Variants in KHDRBS2 observed in about 807,000 individuals in gnomAD.
KHDRBS2 encodes the protein KH RNA binding domain containing, signal transduction associated 2.
In KHDRBS2, 26 loss-of-function variants were observed where a neutral mutation model predicts 44.3. The observed-to-expected ratio is 0.59, with a 90% CI of 0.43 to 0.81. The LOEUF is 0.81. KHDRBS2 is among the 40% of genes least tolerant of loss of function. KHDRBS2 has a pLI of 0.00. For synonymous variants in KHDRBS2, 194 were observed against 151.1 expected, an observed-to-expected ratio of 1.28 and a Z score of -2.08; for missense variants, 476 against 433.1, an observed-to-expected ratio of 1.10 and a Z score of -0.88.
chr6:61,818,021 G>A (rs1373689373), intron 6 of KHDRBS2, among the ~76,000 whole-genome samples: 14 of 151,780 alleles, frequency 9.2e-5, no homozygotes, highest in Middle Eastern at 3.2e-3. Context: ...CACATCTCCC[G>A]TCTTAAAACC....
At chr6:61,621,878 G>A in the KHDRBS2 span, among the ~76,000 whole-genome samples, 6 of 152,202 alleles carry the variant, frequency 3.9e-5, no homozygotes, top group African/African-American at 1.4e-4. Flanking sequence ...ACTGACCACA[G>A]AGGGGATCCC....
chr6:62,268,329 T>G (rs561039553), intron 1 of KHDRBS2, among the ~76,000 whole-genome samples: 1 of 152,172 alleles, frequency 6.6e-6, no homozygotes, highest in South Asian at 2.1e-4. Flanking sequence ...ACATGATGAG[T>G]ACATACATGC....
At chr6:61,700,549 G>T (rs552520591) in intron 7 of KHDRBS2, among the ~76,000 whole-genome samples, 1 of 151,518 alleles carries the variant, frequency 6.6e-6, no homozygotes, top group African/African-American at 2.4e-5. Flanking sequence ...ATAGATAAAT[G>T]TTTACTTGGA....
At chr6:61,973,367 A>T (rs777020279) in intron 4 of KHDRBS2, among the ~76,000 whole-genome samples, 48 of 152,118 alleles carry the variant, frequency 3.2e-4, no homozygotes, top group Non-Finnish European at 5.9e-4. Context: ...GACATTTTCC[A>T]ATTTCAGAAC....
chr6:62,097,382 A>G (rs1584677297), intron 2 of KHDRBS2, among the ~76,000 whole-genome samples: 1 of 152,198 alleles, frequency 6.6e-6, no homozygotes, highest in East Asian at 1.9e-4. Context: ...TAAGTCTAAT[A>G]ATATTTGTTA....
chr6:61,678,398 A>G (rs1766063943), downstream of KHDRBS2, among the ~76,000 whole-genome samples: 1 of 151,984 alleles, frequency 6.6e-6, no homozygotes, highest in Non-Finnish European at 1.5e-5. Context: ...CAAAAAGCTT[A>G]CTGATCAGTC....
intron 3 of KHDRBS2, among the ~76,000 whole-genome samples, chr6:62,018,989 A>G (rs1484332055): frequency 1.3e-5 from 2 of 152,106 alleles, no homozygotes; most frequent in African/African-American, 2.4e-5. Flanking sequence ...TATCTCTGAC[A>G]CTAGTGAACT....
chr6:61,575,000 T>C, the KHDRBS2 span, among the ~76,000 whole-genome samples: 1 of 152,144 alleles, frequency 6.6e-6, no homozygotes, highest in African/African-American at 2.4e-5. Context: ...GATCTGAAAC[T>C]ATAAAAATTC....
chr6:61,590,915 A>T, the KHDRBS2 span, among the ~76,000 whole-genome samples: 1 of 152,202 alleles, frequency 6.6e-6, no homozygotes, highest in South Asian at 2.1e-4. Context: ...GGCTTAGAGG[A>T]ACATGAGACA....
At chr6:62,280,698 A>C (rs1841672433) in intron 1 of KHDRBS2, among the ~76,000 whole-genome samples, 1 of 152,248 alleles carries the variant, frequency 6.6e-6, no homozygotes, top group Non-Finnish European at 1.5e-5. Context: ...TATTTGTGGC[A>C]AGTGAAAGAA....
the KHDRBS2 span, among the ~76,000 whole-genome samples, chr6:61,624,455 A>G: frequency 6.6e-6 from 1 of 152,188 alleles, no homozygotes; most frequent in African/African-American, 2.4e-5. Flanking sequence ...GGATAGAAAT[A>G]CTTTTATTAC....
intron 4 of KHDRBS2, among the ~76,000 whole-genome samples, chr6:61,968,577 T>G (rs1319617627): frequency 6.6e-6 from 1 of 152,080 alleles, no homozygotes; most frequent in Non-Finnish European, 1.5e-5. Context: ...AAGTGCTTGC[T>G]GAATGGTAAT....
intron 6 of KHDRBS2, among the ~76,000 whole-genome samples, chr6:61,828,092 C>T (rs1040211714): frequency 6.6e-6 from 1 of 152,186 alleles, no homozygotes; most frequent in Non-Finnish European, 1.5e-5. Context: ...AAAGAAGGAT[C>T]TGGGAGACAT....
the KHDRBS2 span, among the ~76,000 whole-genome samples, chr6:61,663,499 C>CAATATATATATA: frequency 1.8e-4 from 1 of 5,632 alleles, no homozygotes; most frequent in African/African-American, 7.0e-4. Flanking sequence ...GCATGAGACA[C>CAATATATATATA]CATATATATA....
At chr6:61,620,430 C>T in the KHDRBS2 span, among the ~76,000 whole-genome samples, 1 of 152,250 alleles carries the variant, frequency 6.6e-6, no homozygotes, top group African/African-American at 2.4e-5. Flanking sequence ...TTAGTAATTA[C>T]AGTGTTTTAT....
rs145062890 is a variant in KHDRBS2 at position 61,925,381 on chromosome 6, A to G, written c.484-24010T>C. 1.7e-3 allele frequency among the ~76,000 whole-genome samples: 261 copies of G among 152,334 alleles called. 1 individual carries two copies. Among genetic ancestry groups the G allele is most frequent in the African/African-American group, 5.9e-3 (245 of 41,578 alleles). ...AAATAACTAGTCCACTGGATCTCTC[A>G]CAGTTCCAAAGGTAAATAAGATGTT... On this transcript the variant is annotated intron_variant, in intron 4 of 8. Coordinates refer to ENST00000281156, the MANE Select transcript of KHDRBS2 (RefSeq NM_152688.4).
At chr6:61,562,598 T>C in the KHDRBS2 span, among the ~76,000 whole-genome samples, 1 of 152,288 alleles carries the variant, frequency 6.6e-6, no homozygotes, top group South Asian at 2.1e-4. Flanking sequence ...TTGTCAGTAC[T>C]ATGGCCTAGA....
intron 3 of KHDRBS2, among the ~76,000 whole-genome samples, chr6:62,025,644 CT>C (rs1010060648): frequency 1.3e-5 from 2 of 151,488 alleles, no homozygotes; most frequent in African/African-American, 4.8e-5. Context: ...TTTTTTAATA[CT>C]TTTTTTGGTA....
chr6:61,998,345 T>C (rs1475802045), intron 3 of KHDRBS2, among the ~76,000 whole-genome samples: 1 of 152,176 alleles, frequency 6.6e-6, no homozygotes, highest in Non-Finnish European at 1.5e-5. Context: ...CTATAATAAG[T>C]TGCTATTTCT....
Sources: gnomAD v4.1 joint callset for allele counts (sites outside exome capture counted in the v4.1 genomes callset) on GRCh38, gnomAD v4.1.1 for gene constraint, MANE v1.5 for transcripts, NCBI Gene and HGNC (gene_info 2026-07-23, HGNC 2026-07-21) for gene names.